Variants in ADAMTSL1 observed in about 807,000 individuals in gnomAD.
ADAMTSL1 encodes ADAMTS-like protein 1.
In ADAMTSL1, 126 loss-of-function variants were observed where a neutral mutation model predicts 201.8. The ratio of observed to expected loss-of-function variants is 0.62; its 90% CI spans 0.54 to 0.72. The LOEUF is 0.72. Ranked by LOEUF, ADAMTSL1 falls within the 30% of genes least tolerant of loss-of-function variation. ADAMTSL1 has a pLI of 0.00. For missense variants in ADAMTSL1, 2,679 were observed against 2,277.8 expected, an observed-to-expected ratio of 1.18 and a Z score of -3.59; for synonymous variants, 1,121 against 903.4, an observed-to-expected ratio of 1.24 and a Z score of -4.32.
chr9:18,618,585 A>G (rs1825844210), intron 4 of ADAMTSL1, among the ~76,000 whole-genome samples: 1 of 151,406 alleles, frequency 6.6e-6, no homozygotes, highest in Non-Finnish European at 1.5e-5. Flanking sequence ...TCTCTCACAA[A>G]AAAAAAAAAA....
intron 1 of ADAMTSL1, among the ~76,000 whole-genome samples, chr9:18,070,277 C>T (rs1822903477): frequency 6.6e-6 from 1 of 152,186 alleles, no homozygotes; most frequent in Non-Finnish European, 1.5e-5. Flanking sequence ...AGTCCTTCCA[C>T]AGAGGAGCCA....
intron 27 of ADAMTSL1, 93 bp from the exon 28 acceptor site, chr9:18,906,599 C>G: frequency 1.9e-6 from 2 of 1,069,606 alleles, no homozygotes; most frequent in African/African-American, 3.2e-5. Flanking sequence ...GAGGAACCAC[C>G]TAACATTTCT....
intron 1 of ADAMTSL1, among the ~76,000 whole-genome samples, chr9:18,119,184 GTTA>G (rs1825392188): frequency 6.6e-6 from 1 of 152,142 alleles, no homozygotes; most frequent in African/African-American, 2.4e-5. Flanking sequence ...GTAAGAAGTT[GTTA>G]TTATTAAATT....
chr9:18,073,527 C>T (rs2131741021), intron 1 of ADAMTSL1, among the ~76,000 whole-genome samples: 1 of 152,224 alleles, frequency 6.6e-6, no homozygotes, highest in Middle Eastern at 3.4e-3. Flanking sequence ...TGGTGAAGGC[C>T]TTTGGGTGGG....
intron 2 of ADAMTSL1, among the ~76,000 whole-genome samples, chr9:18,387,540 T>A (rs1837854472): frequency 6.6e-6 from 1 of 152,220 alleles, no homozygotes. Context: ...GTTACATTTT[T>A]AAAATTATTT....
chr9:18,280,694 G>T (rs532756208), intron 2 of ADAMTSL1, among the ~76,000 whole-genome samples: 1 of 152,116 alleles, frequency 6.6e-6, no homozygotes, highest in South Asian at 2.1e-4. Flanking sequence ...AAATTTCCTT[G>T]TAAAATTGAT....
intron 1 of ADAMTSL1, among the ~76,000 whole-genome samples, chr9:17,935,777 A>G (rs771980935): frequency 2.0e-5 from 3 of 152,190 alleles, no homozygotes; most frequent in Non-Finnish European, 2.9e-5. Context: ...TGCCTGGATT[A>G]TTAGAAAAGT....
At position 17,982,903 on chromosome 9, in the gene ADAMTSL1, G is replaced by T. The variant is rs1007080692; in HGVS notation, c.87+75981G>T. 2.0e-5 allele frequency among the ~76,000 whole-genome samples: 3 copies of T among 151,620 alleles called. No homozygotes were observed. The South Asian group carries it at 6.3e-4, about 32-fold the overall frequency. ...ATGTTATTATTTTCTTAGAGCAGAGGTTCTCAATCCTGGCTGCATATTACC... is the reference window on the plus strand; with the variant it reads ...ATGTTATTATTTTCTTAGAGCAGAGTTTCTCAATCCTGGCTGCATATTACC... On this transcript the variant is annotated intron_variant, in intron 1 of 29. Transcript: ENST00000680146.
At chr9:17,975,059 A>C (rs1818389939) in intron 1 of ADAMTSL1, among the ~76,000 whole-genome samples, 1 of 152,030 alleles carries the variant, frequency 6.6e-6, no homozygotes, top group African/African-American at 2.4e-5. Context: ...TAACCACTCC[A>C]AGAGATGCAA....
chr9:18,672,795 T>C lies in ADAMTSL1; in HGVS notation c.1086-3062T>C, dbSNP rs79675335. Among the ~76,000 whole-genome samples the C allele has an allele frequency of 7.0e-3, 1,067 of 152,308 alleles. 43 individuals are homozygous for C. Among genetic ancestry groups the C allele is most frequent in the Admixed American group, 0.058 (884 of 15,300 alleles). ...ATTCTCCTGAATTGTCAATGGACAA[T>C]TCAGTAAGACATGTATTTTGAGAGG... On this transcript the variant is annotated intron_variant, in intron 9 of 28. Coordinates refer to ENST00000380548, the MANE Select transcript of ADAMTSL1 (RefSeq NM_001040272.6).
intron 19 of ADAMTSL1, among the ~76,000 whole-genome samples, chr9:18,791,598 C>A (rs1023433378): frequency 1.3e-5 from 2 of 152,140 alleles, no homozygotes; most frequent in Admixed American, 6.6e-5. Flanking sequence ...ACTATGTACC[C>A]TTGAGCTAGA....
At chr9:18,463,178 T>C (rs1303038335) in intron 2 of ADAMTSL1, among the ~76,000 whole-genome samples, 1 of 152,144 alleles carries the variant, frequency 6.6e-6, no homozygotes, top group African/African-American at 2.4e-5. Context: ...TGGTAAAGCT[T>C]GTGTCTTTTT....
intron 2 of ADAMTSL1, among the ~76,000 whole-genome samples, chr9:18,419,606 T>C (rs1205108177): frequency 6.6e-6 from 1 of 152,158 alleles, no homozygotes; most frequent in African/African-American, 2.4e-5. Flanking sequence ...GAATACTACT[T>C]AACAAGTAAA....
chr9:18,517,955 G>C (rs143525565), intron 2 of ADAMTSL1, among the ~76,000 whole-genome samples: 447 of 152,102 alleles, frequency 2.9e-3, no homozygotes, highest in African/African-American at 0.01. Flanking sequence ...CCTTCTGTAT[G>C]TTTCTTCCTT....
chr9:17,994,153 A>T (rs1402557386), intron 1 of ADAMTSL1, among the ~76,000 whole-genome samples: 2 of 151,278 alleles, frequency 1.3e-5, no homozygotes, highest in African/African-American at 4.9e-5. Context: ...GATCCTCAAG[A>T]TGTTTAACCA....
intron 1 of ADAMTSL1, among the ~76,000 whole-genome samples, chr9:18,050,067 T>G (rs977197377): frequency 2.6e-5 from 4 of 152,232 alleles, no homozygotes; most frequent in African/African-American, 7.2e-5. Flanking sequence ...GTTTAATGAC[T>G]TTAGTCATCC....
At chr9:18,370,616 A>G (rs1220321448) in intron 2 of ADAMTSL1, among the ~76,000 whole-genome samples, 3 of 151,382 alleles carry the variant, frequency 2.0e-5, no homozygotes, top group African/African-American at 7.3e-5. Context: ...ATCATTACTT[A>G]TATATCTAAG....
At chr9:18,315,259 G>A (rs1834335921) in intron 2 of ADAMTSL1, among the ~76,000 whole-genome samples, 1 of 152,136 alleles carries the variant, frequency 6.6e-6, no homozygotes, top group Non-Finnish European at 1.5e-5. Context: ...CAATCCTCCA[G>A]GTAGACATAA....
chr9:18,868,978 T>C (rs1426544711), intron 23 of ADAMTSL1, among the ~76,000 whole-genome samples: 1 of 152,198 alleles, frequency 6.6e-6, no homozygotes, highest in Non-Finnish European at 1.5e-5. Flanking sequence ...TTGTAGATGA[T>C]CAAGTTAAGA....
Sources: gnomAD v4.1 joint callset for allele counts (sites outside exome capture counted in the v4.1 genomes callset) on GRCh38, gnomAD v4.1.1 for gene constraint, MANE v1.5 for transcripts, NCBI Gene and HGNC (gene_info 2026-07-23, HGNC 2026-07-21) for gene names.